Variants in GARRE1 observed in about 807,000 individuals in gnomAD.
GARRE1 encodes granule associated Rac and RHOG effector protein 1.
GARRE1 carries 49 observed loss-of-function variants against 103.2 expected under a neutral mutation model. That is an observed-to-expected ratio of 0.47 (90% CI 0.38 to 0.60). GARRE1 has a LOEUF of 0.60. Ranked by LOEUF, GARRE1 falls within the 20% of genes least tolerant of loss-of-function variation. The pLI is 0.00. For missense variants in GARRE1, 1,199 were observed against 1,370.5 expected (o/e 0.87, Z 1.98); for synonymous variants, 505 against 532.8 (o/e 0.95, Z 0.72).
chr19:34,348,019 C>T lies in GARRE1; in HGVS notation c.2664C>T (p.Pro888=). The stretch of plus-strand genomic sequence containing the variant: ...TGGATGACGCGCATCGGACCTGGCC[C>T]TTCCCCGAGTTCTTCACAGAAGGGT... ...PPMDDAHRTW[P]FPEFFTEGDG... is the part of the protein sequence containing the mutation. Residue 888 remains proline (P), a synonymous_variant, in exon 11 of 14, where the codon CCC becomes CCT. Transcript: ENST00000299505. The T allele has an allele frequency of 6.7e-7, 1 of 1,500,666 alleles. No individual in the cohort carries two copies. Among genetic ancestry groups the T allele is most frequent in the Non-Finnish European group, 9.0e-7 (1 of 1,115,598 alleles). 93.0% of individuals were successfully genotyped at this position (1,500,666 alleles called of 1,614,324 possible).
At chr19:34,324,781 C>T (rs1024908921) in intron 3 of GARRE1, among the ~76,000 whole-genome samples, 1 of 152,122 alleles carries the variant, frequency 6.6e-6, no homozygotes, top group African/African-American at 2.4e-5. Flanking sequence ...CCTTTTGTAC[C>T]TCTCCACTTT....
intron 1 of GARRE1, among the ~76,000 whole-genome samples, chr19:34,261,714 T>C (rs561922429): frequency 1.3e-5 from 2 of 152,052 alleles, no homozygotes; most frequent in South Asian, 2.1e-4. Flanking sequence ...CTGCAGGAGA[T>C]TGAGGGTAGA....
intron 10 of GARRE1, 94 bp from the exon 11 acceptor site, chr19:34,347,783 A>G: frequency 1.6e-6 from 2 of 1,219,288 alleles, no homozygotes; most frequent in African/African-American, 3.1e-5. Context: ...ACTGCCTTTC[A>G]TTGCATGTGT....
At chr19:34,280,512 C>T (rs530697913) in intron 1 of GARRE1, among the ~76,000 whole-genome samples, 1 of 152,160 alleles carries the variant, frequency 6.6e-6, no homozygotes, top group East Asian at 1.9e-4. Flanking sequence ...CTATGGATTG[C>T]TTTTTGCTTG....
chr19:34,302,863 G>C (rs1195521549), intron 2 of GARRE1, among the ~76,000 whole-genome samples: 1 of 150,822 alleles, frequency 6.6e-6, no homozygotes, highest in Non-Finnish European at 1.5e-5. Context: ...TCCTGCCTCA[G>C]CCTCCTGAGT....
intron 2 of GARRE1, among the ~76,000 whole-genome samples, chr19:34,317,900 A>G (rs531188166): frequency 3.3e-5 from 5 of 152,220 alleles, no homozygotes; most frequent in South Asian, 2.1e-4. Context: ...TACTCCTGGC[A>G]CCTGTCTAAC....
chr19:34,344,255 A>G (rs1460958682), intron 10 of GARRE1, among the ~76,000 whole-genome samples: 2 of 152,248 alleles, frequency 1.3e-5, no homozygotes, highest in South Asian at 2.1e-4. Context: ...AATGTTACAA[A>G]TAAGTATAGC....
chr19:34,333,885 T>C, intron 8 of GARRE1, 84 bp downstream of exon 8: 1 of 866,468 alleles, frequency 1.2e-6, no homozygotes, highest in Non-Finnish European at 2.0e-6. Flanking sequence ...TTTTGAACAA[T>C]GCCCATGCTA....
chr19:34,310,497 G>C (rs769845026), intron 2 of GARRE1, among the ~76,000 whole-genome samples: 11 of 152,210 alleles, frequency 7.2e-5, no homozygotes, highest in Non-Finnish European at 1.6e-4. Context: ...CCAGAGCCAG[G>C]AAATCAGAAA....
intron 1 of GARRE1, among the ~76,000 whole-genome samples, chr19:34,271,994 G>A (rs1481645591): frequency 6.6e-6 from 1 of 152,128 alleles, no homozygotes; most frequent in Non-Finnish European, 1.5e-5. Flanking sequence ...AGGAGGAAAT[G>A]AGAAACATTT....
chr19:34,341,825 G>T lies in GARRE1; in HGVS notation c.1891G>T (p.Asp631Tyr). The change falls in exon 10 of 14, where the codon GAC (aspartate) becomes TAC (tyrosine). Residue 631 changes from aspartate (D) to tyrosine (Y), a missense_variant. Asp to Tyr is a radical substitution (Grantham distance 160). Transcript: ENST00000299505. ...ERRENFLHGD[D>Y]GKDEKGMNLP... ...GCGTGAGAACTTCCTGCATGGAGAT[G>T]ACGGCAAGGATGAGAAGGGTATGAA... 1 of 1,614,216 alleles carries T rather than the reference G, an allele frequency of 6.2e-7. No individual in the cohort carries two copies. Among genetic ancestry groups the T allele is most frequent in the East Asian group, 2.2e-5 (1 of 44,886 alleles).
chr19:34,336,985 CTG>C (rs2074163817), intron 8 of GARRE1, among the ~76,000 whole-genome samples: 1 of 150,996 alleles, frequency 6.6e-6, no homozygotes, highest in African/African-American at 2.4e-5. Flanking sequence ...ACCTTGTAGA[CTG>C]TGATTTCTTG....
chr19:34,277,404 A>T (rs77764594), intron 1 of GARRE1, among the ~76,000 whole-genome samples: 6,182 of 152,316 alleles, frequency 0.041, 186 homozygotes, highest in Admixed American at 0.11. Context: ...CACTTAGACC[A>T]ATAAGATCAG....
chr19:34,268,751 A>G (rs1299213677), intron 1 of GARRE1, among the ~76,000 whole-genome samples: 1 of 152,190 alleles, frequency 6.6e-6, no homozygotes, highest in Non-Finnish European at 1.5e-5. Flanking sequence ...GCTTGAGTCC[A>G]GGAGTTTGAG....
rs76058370 is a variant in GARRE1 at position 34,262,784 on chromosome 19, G to A, written c.-796+8170G>A. ...CTTAGAATTTAATAAAAACAGGACAGGTGCAGATGTGGATCAAGCTCAGAG... is the reference window on the plus strand; with the variant it reads ...CTTAGAATTTAATAAAAACAGGACAAGTGCAGATGTGGATCAAGCTCAGAG... On this transcript the variant is annotated intron_variant, in intron 1 of 13. Coordinates refer to ENST00000299505, the MANE Select transcript of GARRE1 (RefSeq NM_014686.5). Among the ~76,000 whole-genome samples, 1,230 of 152,308 alleles carry A rather than the reference G, an allele frequency of 8.1e-3. 8 individuals carry two copies. The highest frequency in any genetic ancestry group is 0.028 in the African/African-American group (1,147 of 41,566).
intron 2 of GARRE1, among the ~76,000 whole-genome samples, chr19:34,302,299 T>TG (rs1374270855): frequency 7.0e-6 from 1 of 142,800 alleles, no homozygotes. Flanking sequence ...GCCGTTTTTT[T>TG]TTTTTTTTTT....
At chr19:34,316,746 A>G (rs2074062198) in intron 2 of GARRE1, among the ~76,000 whole-genome samples, 1 of 152,220 alleles carries the variant, frequency 6.6e-6, no homozygotes, top group African/African-American at 2.4e-5. Flanking sequence ...CATAATTTGT[A>G]TGACTGAGTT....
chr19:34,352,497 A>G (rs2074243666), intron 13 of GARRE1, 150 bp from the exon 14 acceptor site: 2 of 666,696 alleles, frequency 3.0e-6, no homozygotes, highest in Non-Finnish European at 5.3e-6. Flanking sequence ...CATGGCTATC[A>G]TTGCAAGAAG....
At chr19:34,338,895 G>A (rs939516495) in intron 8 of GARRE1, among the ~76,000 whole-genome samples, 1 of 152,146 alleles carries the variant, frequency 6.6e-6, no homozygotes, top group Non-Finnish European at 1.5e-5. Context: ...GGCTTTGGAG[G>A]TACAGGAGTA....
Sources: allele counts gnomAD v4.1 joint callset (sites outside exome capture counted in the v4.1 genomes callset), GRCh38; gene constraint gnomAD v4.1.1; transcripts MANE v1.5; gene names NCBI Gene and HGNC (gene_info 2026-07-23, HGNC 2026-07-21).